CDC14B: variants seen among roughly 807,000 people sequenced by gnomAD.
CDC14B encodes the protein cell division cycle 14B.
CDC14B carries 22 observed loss-of-function variants against 64.2 expected under a neutral mutation model. That is an observed-to-expected ratio of 0.34 (90% CI 0.24 to 0.49). The LOEUF (loss-of-function observed/expected upper bound fraction) is 0.49. Ranked by LOEUF, CDC14B falls within the 20% of genes least tolerant of loss-of-function variation. CDC14B has a pLI of 0.99. For missense variants in CDC14B, 498 were observed against 629.9 expected (o/e 0.79, Z 2.24); for synonymous variants, 191 against 215.8 (o/e 0.89, Z 1.01).
rs202193145 is a variant in CDC14B at position 96,551,111 on chromosome 9, CTTTTTT to C, written c.497+679_497+684del. Among the ~76,000 whole-genome samples the C allele has an allele frequency of 3.9e-4, 36 of 93,296 alleles. 1 individual carries two copies. The highest frequency in any genetic ancestry group is 1.3e-3 in the African/African-American group (27 of 20,380). 61.2% of individuals were successfully genotyped at this position (93,296 alleles called of 152,430 possible). ...TACAAAGCCTAGGTTTTGGGGTTTG[CTTTTTT>C]TTTTTTTTTTTTTGAGACAAGTTAT... On this transcript the variant is annotated intron_variant, in intron 5 of 13. Coordinates refer to ENST00000375241, the MANE Select transcript of CDC14B (RefSeq NM_033331.4).
chr9:96,543,604 C>G (rs1450381109), intron 5 of CDC14B, among the ~76,000 whole-genome samples: 1 of 152,160 alleles, frequency 6.6e-6, no homozygotes, highest in African/African-American at 2.4e-5. Flanking sequence ...ATACAAATCT[C>G]TTAATATCAA....
At chr9:96,497,360 G>A (rs1007960135), downstream of CDC14B, among the ~76,000 whole-genome samples, 1 of 152,256 alleles carries the variant, frequency 6.6e-6, no homozygotes, top group Non-Finnish European at 1.5e-5. Flanking sequence ...CCCCCGAGGC[G>A]CTGGGGAGGA....
intron 1 of CDC14B, among the ~76,000 whole-genome samples, chr9:96,613,684 G>A (rs889718898): frequency 1.3e-5 from 2 of 152,230 alleles, no homozygotes; most frequent in Non-Finnish European, 2.9e-5. Flanking sequence ...CCAAGACATA[G>A]GCAAGAAGAA....
chr9:96,541,529 G>C (rs889376473), intron 6 of CDC14B, among the ~76,000 whole-genome samples: 5 of 152,188 alleles, frequency 3.3e-5, no homozygotes, highest in Non-Finnish European at 7.3e-5. Context: ...TGTTCTTTTA[G>C]ATCATAATAT....
chr9:96,587,444 T>G (rs1343554892), intron 1 of CDC14B, among the ~76,000 whole-genome samples: 1 of 152,168 alleles, frequency 6.6e-6, no homozygotes. Flanking sequence ...GAGCAAATAG[T>G]GTTCCTTCTG....
intron 12 of CDC14B, among the ~76,000 whole-genome samples, chr9:96,517,375 G>A (rs1281425377): frequency 8.1e-5 from 12 of 147,942 alleles, no homozygotes; most frequent in Non-Finnish European, 8.9e-5. Context: ...AATAAAGGCC[G>A]GGCGTGGTGG....
intron 13 of CDC14B, among the ~76,000 whole-genome samples, chr9:96,494,801 AGTCTCGTCCCGTCCCATCCC>A (rs1833179454): frequency 3.6e-5 from 3 of 84,320 alleles, no homozygotes; most frequent in Middle Eastern, 8.6e-3. Flanking sequence ...CGTCCTGTCC[AGTCTCGTCCCGTCCCATCCC>A]GTCTCCCCTC....
At chr9:96,561,489 T>C (rs1409413431) in intron 4 of CDC14B, among the ~76,000 whole-genome samples, 1 of 151,770 alleles carries the variant, frequency 6.6e-6, no homozygotes, top group Non-Finnish European at 1.5e-5. Context: ...ACCCTGTTTT[T>C]CTTTTTTGAG....
chr9:96,521,491 C>T (rs1836711200), intron 12 of CDC14B, among the ~76,000 whole-genome samples: 1 of 152,210 alleles, frequency 6.6e-6, no homozygotes, highest in Non-Finnish European at 1.5e-5. Flanking sequence ...ATTCACATAA[C>T]ACTGCATATT....
chr9:96,594,817 G>A (rs1845980742), intron 1 of CDC14B, among the ~76,000 whole-genome samples: 1 of 150,864 alleles, frequency 6.6e-6, no homozygotes. Context: ...GCACTCCTAA[G>A]TCATCATGGG....
chr9:96,601,135 T>C (rs1004196535), intron 1 of CDC14B, among the ~76,000 whole-genome samples: 1 of 151,512 alleles, frequency 6.6e-6, no homozygotes, highest in Non-Finnish European at 1.5e-5. Context: ...CAAGACTCCC[T>C]CTCAAAAAAA....
chr9:96,584,589 G>A (rs1336621667), intron 1 of CDC14B, among the ~76,000 whole-genome samples: 1 of 152,032 alleles, frequency 6.6e-6, no homozygotes, highest in Non-Finnish European at 1.5e-5. Flanking sequence ...TTTCAAAGGG[G>A]AAAAAAGATA....
chr9:96,584,115 C>T (rs1845331794), intron 1 of CDC14B, among the ~76,000 whole-genome samples: 1 of 152,142 alleles, frequency 6.6e-6, no homozygotes, highest in African/African-American at 2.4e-5. Flanking sequence ...TCAGAGTACC[C>T]ACAAAATGCA....
At chr9:96,509,261 T>A (rs975900119) in intron 13 of CDC14B, among the ~76,000 whole-genome samples, 2 of 151,940 alleles carry the variant, frequency 1.3e-5, no homozygotes, top group African/African-American at 4.8e-5. Context: ...GGACAAAGAG[T>A]CACTAGGTAG....
chr9:96,617,410 G>C (rs1273645963), intron 1 of CDC14B, among the ~76,000 whole-genome samples: 2 of 151,906 alleles, frequency 1.3e-5, no homozygotes, highest in East Asian at 3.9e-4. Flanking sequence ...TGTCTAAATA[G>C]GTTAAAAAAC....
intron 1 of CDC14B, among the ~76,000 whole-genome samples, chr9:96,594,608 C>G (rs1272062277): frequency 6.6e-6 from 1 of 150,940 alleles, no homozygotes; most frequent in Admixed American, 6.6e-5. Context: ...TCCCAGCTAC[C>G]CAGGAGGCTG....
intron 12 of CDC14B, chr9:96,514,817 C>T (rs751476314): frequency 5.1e-6 from 5 of 985,482 alleles, no homozygotes; most frequent in Non-Finnish European, 6.0e-6. Context: ...TGCTGTTCCA[C>T]AAGTGGGCCT....
chr9:96,510,608 CT>C (rs879292814), intron 12 of CDC14B, among the ~76,000 whole-genome samples: 420 of 138,348 alleles, frequency 3.0e-3, no homozygotes, highest in Middle Eastern at 3.8e-3. Flanking sequence ...ATATGCAATT[CT>C]TTTTTTTTTT....
chr9:96,617,173 C>T (rs890394718), intron 1 of CDC14B, among the ~76,000 whole-genome samples: 3 of 151,544 alleles, frequency 2.0e-5, no homozygotes, highest in Non-Finnish European at 4.4e-5. Flanking sequence ...GCTTCCGCAG[C>T]GTGGAAGGGG....
Sources: allele counts gnomAD v4.1 joint callset (sites outside exome capture counted in the v4.1 genomes callset), GRCh38; gene constraint gnomAD v4.1.1; transcripts MANE v1.5; gene names NCBI Gene and HGNC (gene_info 2026-07-23, HGNC 2026-07-21).